Variants in GRID2 observed in about 807,000 individuals in gnomAD.
The protein encoded by GRID2 is glutamate ionotropic receptor delta type subunit 2.
A neutral mutation model predicts 114.8 loss-of-function variants in GRID2; 33 were observed. The ratio of observed to expected loss-of-function variants is 0.29; its 90% CI spans 0.22 to 0.38. The LOEUF (loss-of-function observed/expected upper bound fraction) is 0.38, where lower values mean the gene tolerates loss of function less well. GRID2 is among the 10% of genes least tolerant of loss of function. The pLI, the probability that GRID2 is intolerant of heterozygous loss-of-function variation, is 1.00. For synonymous variants in GRID2, 505 were observed against 449.9 expected, an observed-to-expected ratio of 1.12 and a Z score of -1.55; for missense variants, 1,184 against 1,257.7, an observed-to-expected ratio of 0.94 and a Z score of 0.89.
At chr4:93,136,963 T>C (rs1461167551) in intron 4 of GRID2, among the ~76,000 whole-genome samples, 1 of 152,210 alleles carries the variant, frequency 6.6e-6, no homozygotes, top group Non-Finnish European at 1.5e-5. Flanking sequence ...ATGTGGCCTC[T>C]TCTATTGCAT....
At chr4:93,676,851 G>A (rs1724918468) in intron 14 of GRID2, among the ~76,000 whole-genome samples, 2 of 152,152 alleles carry the variant, frequency 1.3e-5, no homozygotes, top group South Asian at 2.1e-4. Flanking sequence ...TGTGAGCGAT[G>A]CAGAAGACGG....
At chr4:93,091,806 CAAG>C (rs1400660107) in intron 3 of GRID2, among the ~76,000 whole-genome samples, 1 of 152,092 alleles carries the variant, frequency 6.6e-6, no homozygotes, top group Non-Finnish European at 1.5e-5. Context: ...ATCAATAAAA[CAAG>C]AAACTCCAGG....
At chr4:93,413,670 A>G (rs1271302060) in intron 9 of GRID2, among the ~76,000 whole-genome samples, 3 of 152,158 alleles carry the variant, frequency 2.0e-5, no homozygotes, top group Admixed American at 6.5e-5. Flanking sequence ...TAAATAATTC[A>G]CCCTCAATGG....
intron 2 of GRID2, among the ~76,000 whole-genome samples, chr4:92,665,765 G>T (rs748907373): frequency 2.9e-4 from 44 of 150,282 alleles, no homozygotes; most frequent in Admixed American, 1.1e-3. Flanking sequence ...CTTCTAGACT[G>T]CAGTTTCTGA....
At chr4:93,636,432 C>T (rs765048518) in intron 14 of GRID2, among the ~76,000 whole-genome samples, 10 of 152,084 alleles carry the variant, frequency 6.6e-5, no homozygotes, top group Non-Finnish European at 1.2e-4. Context: ...CACACACACA[C>T]ATGCGCACAC....
At chr4:92,879,122 A>T (rs1021508718) in intron 2 of GRID2, among the ~76,000 whole-genome samples, 6 of 152,188 alleles carry the variant, frequency 3.9e-5, no homozygotes, top group Admixed American at 3.9e-4. Flanking sequence ...ATGCAAATGT[A>T]TATAGACAAA....
At chr4:92,685,479 G>A (rs559713721) in intron 2 of GRID2, among the ~76,000 whole-genome samples, 99 of 152,130 alleles carry the variant, frequency 6.5e-4, no homozygotes, top group Middle Eastern at 6.8e-3. Context: ...AAGGGAAGTG[G>A]CATATTACAG....
intron 8 of GRID2, among the ~76,000 whole-genome samples, chr4:93,267,482 A>T (rs1354840490): frequency 2.0e-5 from 3 of 152,180 alleles, no homozygotes; most frequent in Non-Finnish European, 4.4e-5. Context: ...CAGCCTAGCA[A>T]GTGATATTGG....
chr4:92,975,832 GT>G (rs1324454292), intron 2 of GRID2, among the ~76,000 whole-genome samples: 1 of 152,082 alleles, frequency 6.6e-6, no homozygotes, highest in Non-Finnish European at 1.5e-5. Context: ...AACATGGAGT[GT>G]TTTGATAGCA....
At chr4:92,863,701 G>T (rs953367957) in intron 2 of GRID2, among the ~76,000 whole-genome samples, 13 of 151,986 alleles carry the variant, frequency 8.6e-5, no homozygotes, top group African/African-American at 3.1e-4. Flanking sequence ...AGAACATGTC[G>T]GGAAGTATAG....
intron 2 of GRID2, among the ~76,000 whole-genome samples, chr4:92,961,207 G>T (rs1752781501): frequency 6.6e-6 from 1 of 151,562 alleles, no homozygotes; most frequent in African/African-American, 2.4e-5. Flanking sequence ...ACAAATTATT[G>T]TCCATTTGAT....
chr4:92,437,619 T>C (rs1186990492), intron 1 of GRID2, among the ~76,000 whole-genome samples: 1 of 152,232 alleles, frequency 6.6e-6, no homozygotes, highest in African/African-American at 2.4e-5. Context: ...GGAATCAACG[T>C]CTTTAATATG....
intron 14 of GRID2, among the ~76,000 whole-genome samples, chr4:93,745,500 T>C (rs967380518): frequency 2.0e-5 from 3 of 146,354 alleles, no homozygotes; most frequent in Non-Finnish European, 3.0e-5. Flanking sequence ...ATGAGGAATC[T>C]TTTTTTTTTG....
intron 14 of GRID2, among the ~76,000 whole-genome samples, chr4:93,708,820 G>A (rs1383985028): frequency 6.6e-6 from 1 of 151,314 alleles, no homozygotes; most frequent in African/African-American, 2.4e-5. Context: ...TTTCTTTGAT[G>A]GCATATTTTA....
chr4:93,547,693 C>G (rs1218571194), intron 13 of GRID2, among the ~76,000 whole-genome samples: 1 of 152,192 alleles, frequency 6.6e-6, no homozygotes, highest in Non-Finnish European at 1.5e-5. Context: ...GGGAATTTCT[C>G]AGACTCTTAC....
At chr4:93,718,921 G>T (rs1389299964) in intron 14 of GRID2, among the ~76,000 whole-genome samples, 2 of 152,088 alleles carry the variant, frequency 1.3e-5, no homozygotes, top group East Asian at 1.9e-4. Context: ...TTCATAGAAG[G>T]TTATCCAAGC....
intron 1 of GRID2, among the ~76,000 whole-genome samples, chr4:92,369,718 A>G (rs1729031468): frequency 6.6e-6 from 1 of 152,196 alleles, no homozygotes; most frequent in East Asian, 1.9e-4. Flanking sequence ...GGAAAGTTGT[A>G]GATTCTTACA....
At chr4:92,376,339 G>A (rs1023648237) in intron 1 of GRID2, among the ~76,000 whole-genome samples, 1 of 151,950 alleles carries the variant, frequency 6.6e-6, no homozygotes, top group African/African-American at 2.4e-5. Context: ...ACTCGAAAAT[G>A]ACCTCCTTCA....
intron 13 of GRID2, among the ~76,000 whole-genome samples, chr4:93,614,355 A>T (rs1186997285): frequency 6.6e-6 from 1 of 152,206 alleles, no homozygotes; most frequent in Non-Finnish European, 1.5e-5. Context: ...ATTATTATTT[A>T]GAGTACAAAA....
Sources: allele counts gnomAD v4.1 joint callset (sites outside exome capture counted in the v4.1 genomes callset), GRCh38; gene constraint gnomAD v4.1.1; transcripts MANE v1.5; gene names NCBI Gene and HGNC (gene_info 2026-07-23, HGNC 2026-07-21).